DNAH8: variants seen among roughly 807,000 people sequenced by gnomAD.
The protein encoded by DNAH8 is dynein axonemal heavy chain 8, also known as axonemal beta dynein heavy chain 8.
A neutral mutation model predicts 562.1 loss-of-function variants in DNAH8; 382 were observed. The ratio of observed to expected loss-of-function variants is 0.68; its 90% CI spans 0.63 to 0.74. The LOEUF (loss-of-function observed/expected upper bound fraction) is 0.74, where lower values mean the gene tolerates loss of function less well. Among genes scored for constraint, DNAH8 ranks in the 30% least tolerant of loss-of-function variants. DNAH8 has a pLI of 0.00. For synonymous variants in DNAH8, 1,881 were observed against 1,919.4 expected (o/e 0.98, Z 0.52); for missense variants, 5,203 against 5,620.4 (o/e 0.93, Z 2.37).
intron 85 of DNAH8, among the ~76,000 whole-genome samples, chr6:38,981,669 T>C (rs986718494): frequency 2.0e-5 from 3 of 152,234 alleles, no homozygotes; most frequent in Non-Finnish European, 4.4e-5. Context: ...ACCCTTGCAT[T>C]TGACATTTCA....
At chr6:38,862,790 G>T (rs1309819084) in intron 44 of DNAH8, among the ~76,000 whole-genome samples, 1 of 152,090 alleles carries the variant, frequency 6.6e-6, no homozygotes, top group African/African-American at 2.4e-5. Flanking sequence ...AGAAATGAAA[G>T]AATTTTAGAA....
intron 17 of DNAH8, among the ~76,000 whole-genome samples, chr6:38,785,874 TG>T (rs1332010504): frequency 1.1e-4 from 17 of 152,242 alleles, no homozygotes; most frequent in African/African-American, 3.9e-4. Flanking sequence ...TTTTATCTGA[TG>T]AGTAAAAGTC....
intron 15 of DNAH8, among the ~76,000 whole-genome samples, chr6:38,780,791 G>A (rs1768506517): frequency 6.6e-6 from 1 of 151,974 alleles, no homozygotes; most frequent in Non-Finnish European, 1.5e-5. Context: ...CATGACACGA[G>A]TTTACCTATA....
chr6:38,764,820 G>A (rs1766851176), intron 11 of DNAH8: 1 of 150,710 alleles, frequency 6.6e-6, no homozygotes, highest in Admixed American at 6.7e-5. Context: ...TGTCTTTTGA[G>A]GTCCTTTGTC....
At chr6:38,828,370 T>G in intron 30 of DNAH8, 82 bp downstream of exon 30, 1 of 722,988 alleles carries the variant, frequency 1.4e-6, no homozygotes, top group Non-Finnish European at 2.2e-6. Flanking sequence ...TTTTAAAGCT[T>G]AATATACAGT....
intron 5 of DNAH8, among the ~76,000 whole-genome samples, chr6:38,736,530 AT>A (rs201412192): frequency 8.9e-4 from 134 of 151,014 alleles, no homozygotes; most frequent in African/African-American, 3.4e-4. Flanking sequence ...ACCAGAAATC[AT>A]TTTTTTTTGT....
intron 91 of DNAH8, 144 bp downstream of exon 91, chr6:39,012,781 A>T (rs1038217955): frequency 1.6e-6 from 1 of 638,052 alleles, no homozygotes; most frequent in Middle Eastern, 2.6e-4. Context: ...GCGAAAGAAC[A>T]CAAATAATTC....
intron 38 of DNAH8, among the ~76,000 whole-genome samples, chr6:38,850,674 A>G (rs1463545302): frequency 6.6e-6 from 1 of 152,220 alleles, no homozygotes; most frequent in Non-Finnish European, 1.5e-5. Context: ...ATTCATTCTC[A>G]CAGTTGTGGA....
intron 11 of DNAH8, among the ~76,000 whole-genome samples, chr6:38,770,164 C>G (rs1480880904): frequency 1.3e-5 from 2 of 148,702 alleles, no homozygotes; most frequent in Non-Finnish European, 1.5e-5. Context: ...CTTGGGAGTT[C>G]TAATTGTCAT....
chr6:38,985,875 G>A (rs566069980), intron 87 of DNAH8, among the ~76,000 whole-genome samples: 23 of 152,302 alleles, frequency 1.5e-4, no homozygotes, highest in Admixed American at 1.4e-3. Context: ...GAGGGACAAT[G>A]CTGTGAGTCC....
At chr6:38,951,254 TACTC>T (rs1761880500) in intron 81 of DNAH8, 60 bp from the exon 82 acceptor site, 3 of 1,385,476 alleles carry the variant, frequency 2.2e-6, no homozygotes, top group East Asian at 2.3e-5. Flanking sequence ...TGTTTTTACT[TACTC>T]AGATAGGATA....
In DNAH8 at chr6:38,780,047, A is replaced by T; in HGVS notation, c.2121A>T (p.Glu707Asp). 6.2e-7 allele frequency: 1 copy of T among 1,613,936 alleles called. No homozygotes were observed. Among genetic ancestry groups the T allele is most frequent in the Non-Finnish European group, 8.5e-7 (1 of 1,179,872 alleles). Residue 707 changes from glutamate (E) to aspartate (D), a missense_variant, in exon 15 of 93, where the codon GAA (glutamate) becomes GAT (aspartate). Around this residue, in one of 6 missense-constraint regions of DNAH8, gnomAD observed 2,176 missense variants for 2,365.1 expected, o/e 0.92. Transcript: ENST00000327475. ...IERILQYYVA[E>D]LDATKKLYHS... ...GTATTCTTCAGTACTATGTGGCTGA[A>T]CTTGATGCTACTAAGAAGGCAAGTG...
rs16891124 is a variant in DNAH8 at position 38,849,321 on chromosome 6, C to T, written c.5199+520C>T. 0.01 allele frequency among the ~76,000 whole-genome samples: 1,562 copies of T among 152,164 alleles called. 89 individuals carry two copies. In the East Asian group the frequency reaches 0.15, roughly 14 times the overall value. ...ACAGATCAACTTTAGTTAATTATTACTAAGTCTACTACTAGCAGATCAGAA... is the reference window on the plus strand; with the variant it reads ...ACAGATCAACTTTAGTTAATTATTATTAAGTCTACTACTAGCAGATCAGAA... On this transcript the variant is annotated intron_variant, in intron 37 of 92. Transcript: ENST00000327475.
chr6:38,883,459 G>T lies in DNAH8; in HGVS notation c.8136+3G>T. The stretch of plus-strand genomic sequence containing the variant: ...CCACAGAACCAATGATGTTTCAGGT[G>T]AAATCCATCATTTGCTGTAATATTA... On this transcript the variant is annotated splice_donor_region_variant and intron_variant, in intron 55 of 92. Transcript: ENST00000327475. 3.1e-6 allele frequency: 5 copies of T among 1,603,834 alleles called. No individual in the cohort carries two copies. Among genetic ancestry groups the T allele is most frequent in the Non-Finnish European group, 4.3e-6 (5 of 1,176,094 alleles).
chr6:38,814,149 C>T lies in DNAH8; in HGVS notation c.3333+20C>T, dbSNP rs778878099. On this transcript the variant is annotated intron_variant, in intron 25 of 92. Transcript: ENST00000327475. ...AATGTGGTAAGTATTATTAAATACA[C>T]TGATAATTTGATAAGGTGCTTAAGA... 1.5e-6 allele frequency: 2 copies of T among 1,346,340 alleles called. No individual in the cohort carries two copies. Among genetic ancestry groups the T allele is most frequent in the African/African-American group, 2.9e-5 (2 of 69,888 alleles). 83.4% of individuals were successfully genotyped at this position (1,346,340 alleles called of 1,614,324 possible).
intron 47 of DNAH8, 76 bp from the exon 48 acceptor site, chr6:38,867,986 T>C (rs1229335303): frequency 2.7e-6 from 4 of 1,459,722 alleles, no homozygotes; most frequent in African/African-American, 2.8e-5. Context: ...AATCGACCTA[T>C]ATGCATAGAG....
chr6:38,949,453 T>G lies in DNAH8; in HGVS notation c.12131T>G (p.Ile4044Arg). 1 of 1,595,694 alleles carries G rather than the reference T, an allele frequency of 6.3e-7. No individual in the cohort carries two copies. Among genetic ancestry groups the G allele is most frequent in the Non-Finnish European group, 8.6e-7 (1 of 1,163,412 alleles). Reference protein sequence around the residue: ...LPQFAEIMNQISRNEKGWKSW... With the variant: ...LPQFAEIMNQRSRNEKGWKSW... ...TGCTAATTGGCTTGCTTCTTTTAGATATCTCGTAATGAGAAGGGGTGGAAA... is the reference window on the plus strand; with the variant it reads ...TGCTAATTGGCTTGCTTCTTTTAGAGATCTCGTAATGAGAAGGGGTGGAAA... The change falls in exon 81 of 93, where the codon ATA (isoleucine) becomes AGA (arginine). Residue 4044 changes from isoleucine (I) to arginine (R), a missense_variant and splice_region_variant. Ile to Arg is a moderately conservative substitution (Grantham distance 97). Transcript: ENST00000327475.
intron 6 of DNAH8, among the ~76,000 whole-genome samples, chr6:38,737,553 AT>A (rs1419775659): frequency 7.3e-5 from 11 of 151,288 alleles, no homozygotes; most frequent in African/African-American, 2.4e-4. Flanking sequence ...CTATACTTTT[AT>A]TTTTTCATAT....
intron 49 of DNAH8, 69 bp downstream of exon 49, chr6:38,870,631 A>G (rs757250287): frequency 2.1e-6 from 3 of 1,439,056 alleles, no homozygotes; most frequent in Non-Finnish European, 1.9e-6. Flanking sequence ...CTGAATAGAA[A>G]AACTCATAGT....
Sources: allele counts gnomAD v4.1 joint callset (sites outside exome capture counted in the v4.1 genomes callset), GRCh38; gene constraint gnomAD v4.1.1; regional missense constraint gnomAD v4.1.1; transcripts MANE v1.5; gene names NCBI Gene and HGNC (gene_info 2026-07-23, HGNC 2026-07-21).